KCNIP1: variants seen among roughly 807,000 people sequenced by gnomAD.
The protein encoded by KCNIP1 is potassium voltage-gated channel interacting protein 1.
In KCNIP1, 18 loss-of-function variants were observed where a neutral mutation model predicts 33.0. The observed-to-expected ratio is 0.55, with a 90% confidence interval of 0.38 to 0.81. KCNIP1 has a LOEUF of 0.81. KCNIP1 is among the 30% of genes least tolerant of loss of function. The pLI, the probability that KCNIP1 is intolerant of heterozygous loss-of-function variation, is 0.00. For synonymous variants in KCNIP1, 93 were observed against 98.3 expected, an observed-to-expected ratio of 0.95 and a Z score of 0.32; for missense variants, 238 against 271.6, an observed-to-expected ratio of 0.88 and a Z score of 0.87.
At chr5:170,575,392 A>G (rs1033903914) in intron 1 of KCNIP1, among the ~76,000 whole-genome samples, 3 of 152,218 alleles carry the variant, frequency 2.0e-5, no homozygotes, top group Non-Finnish European at 2.9e-5. Flanking sequence ...AGAAATACCA[A>G]TTGTATTATA....
intron 1 of KCNIP1, among the ~76,000 whole-genome samples, chr5:170,652,907 C>T (rs1417089268): frequency 1.3e-5 from 2 of 152,254 alleles, no homozygotes; most frequent in African/African-American, 4.8e-5. Context: ...TGCATACCCC[C>T]ACCTTGCCCC....
chr5:170,700,855 AAGG>A (rs1341031689), intron 1 of KCNIP1, among the ~76,000 whole-genome samples: 1 of 152,200 alleles, frequency 6.6e-6, no homozygotes, highest in Non-Finnish European at 1.5e-5. Context: ...ACGCATCAGG[AAGG>A]AGGAGGACCA....
chr5:170,462,220 C>G (rs927953687), intron 1 of KCNIP1, among the ~76,000 whole-genome samples: 4 of 119,456 alleles, frequency 3.3e-5, no homozygotes, highest in African/African-American at 1.3e-4. Flanking sequence ...TACATCTGAC[C>G]AAGGACTAAT....
At chr5:170,601,118 G>T (rs925206635) in intron 1 of KCNIP1, among the ~76,000 whole-genome samples, 2 of 152,178 alleles carry the variant, frequency 1.3e-5, no homozygotes, top group Non-Finnish European at 2.9e-5. Context: ...CACCTGCGTC[G>T]CTTCCCTCTG....
chr5:170,552,934 C>T (rs1425317266), intron 1 of KCNIP1, among the ~76,000 whole-genome samples: 4 of 152,234 alleles, frequency 2.6e-5, no homozygotes, highest in Non-Finnish European at 4.4e-5. Context: ...CCTCCTCTCC[C>T]GCAGGACCCC....
At chr5:170,478,571 AAGAC>A (rs1756907703) in intron 1 of KCNIP1, among the ~76,000 whole-genome samples, 1 of 152,190 alleles carries the variant, frequency 6.6e-6, no homozygotes, top group East Asian at 1.9e-4. Context: ...GGCTTACTGC[AAGAC>A]TGTGCGACTC....
intron 1 of KCNIP1, chr5:170,484,300 G>C (rs1452348387): frequency 6.6e-6 from 1 of 152,274 alleles, no homozygotes; most frequent in South Asian, 2.1e-4. Context: ...AATACAGCAC[G>C]TGTTCCTCGG....
In KCNIP1 at chr5:170,370,329, C is replaced by A. The variant is rs190116453; in HGVS notation, c.88+16365C>A. Among the ~76,000 whole-genome samples, 51 of 152,274 alleles carry A rather than the reference C, an allele frequency of 3.3e-4. 1 individual carries two copies. Among genetic ancestry groups the A allele is most frequent in the Admixed American group, 3.0e-3 (46 of 15,298 alleles). ...CATTCATGATTGATGATACAATGCA[C>A]CCTGTAAAACAAACACTGTGAGGCT... On this transcript the variant is annotated intron_variant, in intron 1 of 7. Transcript: ENST00000377360.
chr5:170,361,949 TA>T (rs1403687059), intron 1 of KCNIP1, among the ~76,000 whole-genome samples: 3 of 152,180 alleles, frequency 2.0e-5, no homozygotes, highest in Non-Finnish European at 4.4e-5. Flanking sequence ...TTGCACTAAG[TA>T]AATGGCTTTT....
At position 170,630,243 on chromosome 5, in the gene KCNIP1, T is replaced by C. The variant is rs564626214; in HGVS notation, c.62-88515T>C. 2.6e-4 allele frequency among the ~76,000 whole-genome samples: 40 copies of C among 152,338 alleles called. No individual in the cohort carries two copies. In the South Asian group the frequency reaches 3.5e-3, roughly 13 times the overall value. The stretch of plus-strand genomic sequence containing the variant: ...GATATGTTATAAAACTCAATCAATA[T>C]TTACTTAGTGAATAAATGGACGGAT... On this transcript the variant is annotated intron_variant, in intron 1 of 7. Coordinates refer to ENST00000328939, the MANE Select transcript of KCNIP1 (RefSeq NM_014592.4).
At chr5:170,415,737 G>GT (rs1178005460) in intron 1 of KCNIP1, among the ~76,000 whole-genome samples, 11 of 152,176 alleles carry the variant, frequency 7.2e-5, no homozygotes, top group African/African-American at 2.2e-4. Flanking sequence ...CGCCACAGGA[G>GT]TTTTTTCTAT....
At chr5:170,364,908 C>T (rs1763615752) in intron 1 of KCNIP1, among the ~76,000 whole-genome samples, 1 of 152,178 alleles carries the variant, frequency 6.6e-6, no homozygotes, top group Non-Finnish European at 1.5e-5. Context: ...ATGGTGAGAA[C>T]TACTCTCTTA....
intron 1 of KCNIP1, among the ~76,000 whole-genome samples, chr5:170,369,778 T>A (rs1763794322): frequency 6.6e-6 from 1 of 152,250 alleles, no homozygotes; most frequent in Non-Finnish European, 1.5e-5. Flanking sequence ...GCAGTTGGCA[T>A]GGGAAAGCAA....
intron 1 of KCNIP1, among the ~76,000 whole-genome samples, chr5:170,618,565 G>A (rs1425826274): frequency 6.9e-6 from 1 of 144,046 alleles, no homozygotes; most frequent in Non-Finnish European, 1.5e-5. Context: ...GAGGGAGGGA[G>A]GGAGGGAGCT....
intron 1 of KCNIP1, among the ~76,000 whole-genome samples, chr5:170,460,325 C>T (rs1197667818): frequency 6.6e-6 from 1 of 152,070 alleles, no homozygotes; most frequent in East Asian, 1.9e-4. Context: ...GGAAACCTCC[C>T]TAAATCATCC....
At chr5:170,393,098 T>C (rs1483958389) in intron 1 of KCNIP1, among the ~76,000 whole-genome samples, 1 of 152,186 alleles carries the variant, frequency 6.6e-6, no homozygotes, top group Non-Finnish European at 1.5e-5. Flanking sequence ...TGTGATGTGA[T>C]GGAGCCTGGA....
chr5:170,357,632 C>A (rs1389339873), intron 1 of KCNIP1, among the ~76,000 whole-genome samples: 1 of 152,204 alleles, frequency 6.6e-6, no homozygotes. Flanking sequence ...TGGGCTCAAG[C>A]AATCCTCCCA....
chr5:170,529,123 T>C (rs1755692746), intron 1 of KCNIP1, among the ~76,000 whole-genome samples: 1 of 152,178 alleles, frequency 6.6e-6, no homozygotes, highest in Non-Finnish European at 1.5e-5. Flanking sequence ...CAGGGTAAGA[T>C]TAACTTCAGG....
chr5:170,389,746 A>ATCCACGCTGGAGCAGCTACAGC (rs2113358252), intron 1 of KCNIP1: 1 of 152,350 alleles, frequency 6.6e-6, no homozygotes, highest in South Asian at 2.1e-4. Context: ...TCCCTGGCAT[A>ATCCACGCTGGAGCAGCTACAGC]TCCACGCTGG....
Sources: gnomAD v4.1 joint callset for allele counts (sites outside exome capture counted in the v4.1 genomes callset) on GRCh38, gnomAD v4.1.1 for gene constraint, MANE v1.5 for transcripts, NCBI Gene and HGNC (gene_info 2026-07-23, HGNC 2026-07-21) for gene names.